GTF2A1: variants seen among roughly 807,000 people sequenced by gnomAD.
GTF2A1 encodes general transcription factor IIA subunit 1.
In GTF2A1, 12 loss-of-function variants were observed where a neutral mutation model predicts 54.1. The ratio of observed to expected loss-of-function variants is 0.22; its 90% CI spans 0.14 to 0.36. GTF2A1 has a LOEUF of 0.36. Among genes scored for constraint, GTF2A1 ranks in the 10% least tolerant of loss-of-function variants. GTF2A1 has a pLI of 1.00. For missense variants in GTF2A1, 335 were observed against 442.2 expected (o/e 0.76, Z 2.17); for synonymous variants, 145 against 152.0 (o/e 0.95, Z 0.34).
chr14:81,204,631 T>C (rs1266307487), intron 2 of GTF2A1, among the ~76,000 whole-genome samples: 2 of 152,170 alleles, frequency 1.3e-5, no homozygotes, highest in African/African-American at 4.8e-5. Flanking sequence ...ATCTGTCCAA[T>C]CCTACATAAA....
chr14:81,184,602 C>T (rs910902156), intron 8 of GTF2A1, among the ~76,000 whole-genome samples: 4 of 152,060 alleles, frequency 2.6e-5, no homozygotes, highest in Non-Finnish European at 2.9e-5. Flanking sequence ...GAAGTAAGCA[C>T]GGCTACTTAT....
At position 81,220,727 on chromosome 14, in the gene GTF2A1, A is replaced by C. The variant is rs1595237230; in HGVS notation, c.-209T>G. 1 of 321,074 alleles carries C rather than the reference A, an allele frequency of 3.1e-6. No homozygotes were observed. The allele number at this position is 321,074 out of a possible 1,614,324, so 19.9% of individuals were successfully genotyped here. ...ACTCCTCCCGCAGCTGAAAACCTCGAGAATCGCCTTAAAAAAAAAAAAAAA... is the reference window on the plus strand; with the variant it reads ...ACTCCTCCCGCAGCTGAAAACCTCGCGAATCGCCTTAAAAAAAAAAAAAAA... On this transcript the variant is annotated 5_prime_UTR_variant, in exon 1 of 9. Transcript: ENST00000553612.
chr14:81,211,487 C>T (rs1893362530), intron 2 of GTF2A1, among the ~76,000 whole-genome samples: 1 of 152,172 alleles, frequency 6.6e-6, no homozygotes, highest in African/African-American at 2.4e-5. Context: ...TGTCAAAGCA[C>T]ATTCCAAGTC....
intron 8 of GTF2A1, among the ~76,000 whole-genome samples, chr14:81,182,117 T>C (rs1047484340): frequency 2.0e-5 from 3 of 152,122 alleles, no homozygotes; most frequent in African/African-American, 7.2e-5. Flanking sequence ...AAAAAATCAC[T>C]CAATCAAACA....
intron 2 of GTF2A1, among the ~76,000 whole-genome samples, chr14:81,205,635 G>C (rs942425616): frequency 2.0e-5 from 3 of 152,170 alleles, no homozygotes; most frequent in Non-Finnish European, 4.4e-5. Flanking sequence ...AGTTAGTCCT[G>C]GTTTGGCCAT....
At position 81,220,632 on chromosome 14, in the gene GTF2A1, G is replaced by C; in HGVS notation, c.-114C>G. On this transcript the variant is annotated 5_prime_UTR_variant, in exon 1 of 9. Transcript: ENST00000553612. Reference sequence around the variant, plus strand: ...GGTGACCCAAATCACCGCAAGATTGGGGAAAAAATTTTAAACAAAATCAAT... The same window carrying C: ...GGTGACCCAAATCACCGCAAGATTGCGGAAAAAATTTTAAACAAAATCAAT... The C allele has an allele frequency of 1.3e-6, 1 of 795,190 alleles. No homozygotes were observed. The highest frequency in any genetic ancestry group is 1.9e-5 in the African/African-American group (1 of 53,350). The allele number at this position is 795,190 out of a possible 1,614,324, so 49.3% of individuals were successfully genotyped here. A position where few individuals can be genotyped will look rare whatever the true frequency, so the allele number is the denominator to read the frequency against.
chr14:81,205,923 T>C (rs557161922), intron 2 of GTF2A1, among the ~76,000 whole-genome samples: 9 of 152,360 alleles, frequency 5.9e-5, no homozygotes, highest in African/African-American at 2.2e-4. Flanking sequence ...ATGTATTATA[T>C]ATAGTAAGGC....
At chr14:81,208,726 G>T (rs1017783366) in intron 2 of GTF2A1, among the ~76,000 whole-genome samples, 2 of 152,210 alleles carry the variant, frequency 1.3e-5, no homozygotes, top group Non-Finnish European at 2.9e-5. Context: ...CAAGACCGTG[G>T]GAACCCACCT....
At chr14:81,212,442 T>C (rs1893392781) in intron 2 of GTF2A1, among the ~76,000 whole-genome samples, 1 of 152,246 alleles carries the variant, frequency 6.6e-6, no homozygotes, top group South Asian at 2.1e-4. Context: ...CACATTAAAG[T>C]AGGCCTGCAG....
In GTF2A1 at chr14:81,180,013, C is replaced by T. The variant is rs1293254120; in HGVS notation, c.*210G>A. 1 of 227,716 alleles carries T rather than the reference C, an allele frequency of 4.4e-6. No homozygotes were observed. Among genetic ancestry groups the T allele is most frequent in the Non-Finnish European group, 8.5e-6 (1 of 117,392 alleles). The allele number at this position is 227,716 out of a possible 1,614,324, so 14.1% of individuals were successfully genotyped here. ...CTACACAAAACCCCAACCCTCCCAC[C>T]CAAAAACCCTAGGTGCTACAGTTCC... On this transcript the variant is annotated 3_prime_UTR_variant, in exon 9 of 9. Coordinates refer to ENST00000553612, the MANE Select transcript of GTF2A1 (RefSeq NM_015859.4).
intron 4 of GTF2A1, among the ~76,000 whole-genome samples, chr14:81,198,504 T>C (rs1399014505): frequency 6.6e-6 from 1 of 152,208 alleles, no homozygotes; most frequent in Non-Finnish European, 1.5e-5. Context: ...GACGGGATTA[T>C]ATTATGAATT....
chr14:81,216,929 T>C (rs1401995161), intron 1 of GTF2A1, among the ~76,000 whole-genome samples: 1 of 152,248 alleles, frequency 6.6e-6, no homozygotes, highest in East Asian at 1.9e-4. Context: ...CCGGGAGTCA[T>C]CTGCCTGGTA....
chr14:81,195,135 C>CAAAAA (rs749038152), intron 6 of GTF2A1, among the ~76,000 whole-genome samples: 1 of 61,280 alleles, frequency 1.6e-5, no homozygotes, highest in African/African-American at 4.9e-5. Flanking sequence ...GACTCTGTCT[C>CAAAAA]AAAAAAAAAA....
At chr14:81,209,959 A>G (rs1481876701) in intron 2 of GTF2A1, 6 of 1,084,328 alleles carry the variant, frequency 5.5e-6, no homozygotes, top group Non-Finnish European at 6.2e-6. Flanking sequence ...AAGGGAAAAC[A>G]AAACTATTGT....
rs184504638 is a variant in GTF2A1 at position 81,208,668 on chromosome 14, C to A, written c.133-4564G>T. ...TGCAGCTGGAAGCAACCCACGAAAG[C>A]AGCTGGAAGCAAGACTGTACCCTGC... On this transcript the variant is annotated intron_variant, in intron 2 of 8. Transcript: ENST00000553612. Among the ~76,000 whole-genome samples, 36 of 152,308 alleles carry A rather than the reference C, an allele frequency of 2.4e-4. 1 individual carries two copies. The East Asian group carries it at 5.6e-3, about 24-fold the overall frequency.
intron 6 of GTF2A1, among the ~76,000 whole-genome samples, chr14:81,194,953 G>A (rs545121342): frequency 6.6e-6 from 1 of 151,918 alleles, no homozygotes; most frequent in East Asian, 2.0e-4. Context: ...GTCCAACCTA[G>A]ACATGGTGAA....
chr14:81,180,297 G>A lies in GTF2A1; in HGVS notation c.1057C>T (p.Leu353Phe), dbSNP rs755210057. 1.3e-6 allele frequency: 2 copies of A among 1,505,740 alleles called. No individual in the cohort carries two copies. Among genetic ancestry groups the A allele is most frequent in the Non-Finnish European group, 1.8e-6 (2 of 1,086,904 alleles). 93.3% of individuals were successfully genotyped at this position (1,505,740 alleles called of 1,614,324 possible). Residue 353 changes from leucine to phenylalanine, a missense_variant, in exon 9 of 9, where the codon CTC (leucine) becomes TTC (phenylalanine). By Grantham distance (22) the Leu-to-Phe change is conservative. Transcript: ENST00000553612. ...TTAAGATTCATAATGCCATCCTTGA[G>A]ATGAAATTTCCATTTGTTTTTACTT... ...HRSKNKWKFH[L>F]KDGIMNLNGR...
chr14:81,180,359 A>G (rs755623975), intron 8 of GTF2A1, 29 bp from the exon 9 acceptor site: 2 of 946,586 alleles, frequency 2.1e-6, no homozygotes, highest in Non-Finnish European at 1.7e-6. Context: ...TTAAAAATTG[A>G]GAGATACAAT....
chr14:81,210,038 GAATGGTCCCACAAGAAATAT>G (rs372189020), intron 2 of GTF2A1: 199,150 of 427,236 alleles, frequency 0.47, 48,175 homozygotes, highest in Non-Finnish European at 0.53. Flanking sequence ...TTATCATACA[GAATGGTCCCACAAGAAATAT>G]GCAGGAATTG....
Sources: allele counts gnomAD v4.1 joint callset (sites outside exome capture counted in the v4.1 genomes callset), GRCh38; gene constraint gnomAD v4.1.1; transcripts MANE v1.5; gene names NCBI Gene and HGNC (gene_info 2026-07-23, HGNC 2026-07-21).